Variants in DLGAP2 observed in about 807,000 individuals in gnomAD.
DLGAP2 encodes DLG associated protein 2.
Under a neutral mutation model 100.3 loss-of-function variants are expected in DLGAP2, and 26 were observed. The ratio of observed to expected loss-of-function variants is 0.26; its 90% CI spans 0.19 to 0.36. The LOEUF (loss-of-function observed/expected upper bound fraction) is 0.36. DLGAP2 is among the 10% of genes least tolerant of loss of function. The pLI is 1.00. For missense variants in DLGAP2, 1,858 were observed against 1,453.2 expected, an observed-to-expected ratio of 1.28 and a Z score of -4.53; for synonymous variants, 886 against 630.1, an observed-to-expected ratio of 1.41 and a Z score of -6.08.
At chr8:1,094,555 A>G (rs1402542945) in intron 2 of DLGAP2, among the ~76,000 whole-genome samples, 1 of 152,218 alleles carries the variant, frequency 6.6e-6, no homozygotes, top group African/African-American at 2.4e-5. Flanking sequence ...GGTGCATCAC[A>G]CCTTCCAACA....
chr8:803,307 TTATAG>T (rs1796207356), intron 1 of DLGAP2, among the ~76,000 whole-genome samples: 1 of 152,252 alleles, frequency 6.6e-6, no homozygotes, highest in Admixed American at 6.5e-5. Context: ...CTTCCTAGAA[TTATAG>T]TATATTCCTT....
At chr8:1,581,410 C>CCA (rs1317070325) in intron 6 of DLGAP2, among the ~76,000 whole-genome samples, 1 of 151,054 alleles carries the variant, frequency 6.6e-6, no homozygotes, top group Middle Eastern at 3.2e-3. Flanking sequence ...AGAAAAAACC[C>CCA]CACACACATA....
At chr8:974,199 C>T (rs979648797) in intron 2 of DLGAP2, among the ~76,000 whole-genome samples, 3 of 152,220 alleles carry the variant, frequency 2.0e-5, no homozygotes, top group African/African-American at 4.8e-5. Flanking sequence ...TATTAAAAAT[C>T]CACAACTAAG....
At chr8:999,680 C>G (rs995231006) in intron 2 of DLGAP2, among the ~76,000 whole-genome samples, 2 of 152,004 alleles carry the variant, frequency 1.3e-5, no homozygotes, top group Non-Finnish European at 1.5e-5. Flanking sequence ...GGGGTTTCAC[C>G]ATGTTTGCCA....
At chr8:1,657,805 T>A (rs191591567) in intron 8 of DLGAP2, among the ~76,000 whole-genome samples, 1 of 152,360 alleles carries the variant, frequency 6.6e-6, no homozygotes, top group East Asian at 1.9e-4. Context: ...AAATCAAATA[T>A]TGCCAATATA....
chr8:854,019 G>C (rs546009665), intron 1 of DLGAP2, among the ~76,000 whole-genome samples: 8 of 152,194 alleles, frequency 5.3e-5, no homozygotes, highest in Non-Finnish European at 1.2e-4. Flanking sequence ...CAGTGAGAAG[G>C]CGCTGTCTCT....
chr8:1,305,804 G>A (rs1404637606), intron 3 of DLGAP2, among the ~76,000 whole-genome samples: 4 of 152,236 alleles, frequency 2.6e-5, no homozygotes, highest in Non-Finnish European at 5.9e-5. Context: ...AACAGCTACC[G>A]CCCCACTCAA....
intron 3 of DLGAP2, among the ~76,000 whole-genome samples, chr8:1,366,888 C>A (rs542575178): frequency 6.6e-6 from 1 of 152,154 alleles, no homozygotes; most frequent in Non-Finnish European, 1.5e-5. Flanking sequence ...TACATGGCAA[C>A]CCCTCCAACA....
intron 9 of DLGAP2, among the ~76,000 whole-genome samples, chr8:1,669,517 GCTTC>G (rs1798634738): frequency 6.6e-6 from 1 of 152,232 alleles, no homozygotes; most frequent in South Asian, 2.1e-4. Flanking sequence ...CCCACCTCCT[GCTTC>G]CTTTTACCCC....
At chr8:1,604,953 T>G (rs573303771) in intron 6 of DLGAP2, among the ~76,000 whole-genome samples, 3 of 152,194 alleles carry the variant, frequency 2.0e-5, no homozygotes, top group African/African-American at 7.2e-5. Flanking sequence ...GTCTGATGTC[T>G]TGTGTCGTGT....
rs140007710 is a variant in DLGAP2, at chr8:1,114,675, A to G, written c.74-144176A>G. Reference sequence around the variant, plus strand: ...CTCCTAGATTCATTGATTTTTTTCAATGGTTTTTCGTGTCTTGATTTTCTT... The same window carrying G: ...CTCCTAGATTCATTGATTTTTTTCAGTGGTTTTTCGTGTCTTGATTTTCTT... On this transcript the variant is annotated intron_variant, in intron 2 of 14. Coordinates refer to ENST00000637795, the MANE Select transcript of DLGAP2 (RefSeq NM_001346810.2). Among the ~76,000 whole-genome samples the G allele has an allele frequency of 6.0e-3, 912 of 150,864 alleles. 8 individuals are homozygous for G. The highest frequency in any genetic ancestry group is 0.021 in the African/African-American group (860 of 41,052).
chr8:1,210,679 G>C (rs558623765), intron 2 of DLGAP2, among the ~76,000 whole-genome samples: 11 of 152,244 alleles, frequency 7.2e-5, no homozygotes, highest in African/African-American at 2.2e-4. Flanking sequence ...AGTGAGTCTG[G>C]GGCCACTTGA....
chr8:1,285,250 C>G (rs1029438574), intron 3 of DLGAP2, among the ~76,000 whole-genome samples: 1 of 152,156 alleles, frequency 6.6e-6, no homozygotes. Context: ...CTAGAGGTCA[C>G]ACATCTCAAT....
chr8:1,032,169 C>A (rs1184458990), intron 2 of DLGAP2, among the ~76,000 whole-genome samples: 1 of 152,262 alleles, frequency 6.6e-6, no homozygotes, highest in Admixed American at 6.5e-5. Flanking sequence ...CAAGTTAGCG[C>A]ATCCATCGAC....
At chr8:1,156,533 C>G (rs1022975257) in intron 2 of DLGAP2, among the ~76,000 whole-genome samples, 3 of 152,096 alleles carry the variant, frequency 2.0e-5, no homozygotes, top group Non-Finnish European at 4.4e-5. Flanking sequence ...GGAGTGGCCC[C>G]GACTCCCCCA....
chr8:1,668,856 G>C (rs1271439140), intron 9 of DLGAP2, among the ~76,000 whole-genome samples, 178 bp downstream of exon 9: 1 of 152,202 alleles, frequency 6.6e-6, no homozygotes, highest in Non-Finnish European at 1.5e-5. Context: ...AGCGCAGTGA[G>C]TAGGTGGGAG....
rs2130575890 is a variant in DLGAP2, at chr8:1,565,767, A to G, written c.1315A>G (p.Ile439Val). 6 of 1,613,970 alleles carry G rather than the reference A, an allele frequency of 3.7e-6. No individual in the cohort carries two copies. The highest frequency in any genetic ancestry group is 5.1e-6 in the Non-Finnish European group (6 of 1,179,884). ...CAGGAGAATGAGAAGTGGGAGTTAC[A>G]TTAAAGCCATGGGGGACGAGGAGAG... The part of the protein sequence containing the change: ...PCRRMRSGSY[I>V]KAMGDEESGE... The change falls in exon 6 of 15, where the codon ATT becomes GTT. Residue 439 changes from isoleucine (I) to valine (V), a missense_variant. Transcript: ENST00000637795.
intron 3 of DLGAP2, among the ~76,000 whole-genome samples, chr8:1,299,510 G>A (rs959698418): frequency 9.9e-5 from 15 of 152,168 alleles, no homozygotes; most frequent in African/African-American, 2.7e-4. Flanking sequence ...GAGCATAAAC[G>A]CATAGGGAGG....
At chr8:1,694,139 T>C (rs990272755) in intron 13 of DLGAP2, among the ~76,000 whole-genome samples, 7 of 152,344 alleles carry the variant, frequency 4.6e-5, no homozygotes, top group Admixed American at 2.0e-4. Context: ...AGTTTTAAAA[T>C]AGCTGGCTTG....
Sources: gnomAD v4.1 joint callset for allele counts (sites outside exome capture counted in the v4.1 genomes callset) on GRCh38, gnomAD v4.1.1 for gene constraint, MANE v1.5 for transcripts, NCBI Gene and HGNC (gene_info 2026-07-23, HGNC 2026-07-21) for gene names.